The following DKC1 variants were observed in gnomAD, a reference collection of about 807,000 sequenced individuals.
DKC1 encodes H/ACA ribonucleoprotein complex subunit DKC1.
In DKC1, 4 loss-of-function variants were observed where a neutral mutation model predicts 46.7. The observed-to-expected ratio is 0.09, with a 90% CI of 0.04 to 0.20. The LOEUF is 0.20. Ranked by LOEUF, DKC1 falls within the 10% of genes least tolerant of loss-of-function variation. The probability of loss-of-function intolerance (pLI) is 1.00; values close to 1 mark genes in which losing one functional copy is unlikely to be tolerated. For missense variants in DKC1, 171 were observed against 404.2 expected, an observed-to-expected ratio of 0.42 and a Z score of 4.95; for synonymous variants, 141 against 142.4, an observed-to-expected ratio of 0.99 and a Z score of 0.07.
At chrX:154,773,673 C>T (rs1407252215) in intron 11 of DKC1, among the ~76,000 whole-genome samples, 1 of 111,432 alleles carries the variant, frequency 9.0e-6, no homozygotes, top group Non-Finnish European at 1.9e-5. Context: ...TAGTGCAGAA[C>T]AAAATGAAAA....
rs1557265771 is a variant in DKC1 at position 154,776,809 on chromosome X, C to A, written c.1487C>A (p.Thr496Asn). Residue 496 changes from threonine (T) to asparagine (N), a missense_variant, in exon 15 of 15, where the codon ACC (threonine) becomes AAC (asparagine). This residue lies in a region of DKC1 where 54 missense variants were observed against 64.4 expected (regional missense o/e 0.84). Transcript: ENST00000369550. The part of the protein sequence containing the change: ...GAEPGDGDSD[T>N]TKKKKKKKKA... ...TCTCTTTCTTTCTAGGACAGTGATA[C>A]CACCAAGAAGAAGAAGAAGAAGAAG... The A allele has an allele frequency of 8.3e-7, 1 of 1,206,790 alleles. No homozygotes were observed. The highest frequency in any genetic ancestry group is 2.2e-5 in the Admixed American group (1 of 45,767).
At chrX:154,764,681 A>G (rs1557263959) in intron 1 of DKC1, among the ~76,000 whole-genome samples, 1 of 111,674 alleles carries the variant, frequency 9.0e-6, no homozygotes, top group Admixed American at 9.5e-5. Context: ...AGGATCATCA[A>G]GACATCACTA....
At chrX:154,773,752 T>C (rs2071855621) in intron 11 of DKC1, among the ~76,000 whole-genome samples, 2 of 112,408 alleles carry the variant, frequency 1.8e-5, no homozygotes, top group Admixed American at 1.9e-4. Flanking sequence ...TTCCCCACCT[T>C]TCCCGCCTTT....
At position 154,767,398 on chromosome X, in the gene DKC1, T is replaced by C; in HGVS notation, c.640+16T>C. 8.3e-7 allele frequency: 1 copy of C among 1,209,814 alleles called. No individual in the cohort carries two copies. On this transcript the variant is annotated intron_variant, in intron 7 of 14. Transcript: ENST00000369550. ...AGAAGATTAGGTGAGTCATTAGGCC[T>C]GTGAGTGGGTATGAACACATTCTTC...
chrX:154,766,565 G>A, intron 5 of DKC1, 165 bp downstream of exon 5: 1 of 505,096 alleles, frequency 2.0e-6, no homozygotes, highest in Non-Finnish European at 3.3e-6. Context: ...GCCAGATCTT[G>A]GTGGTCCGCG....
Position 154,766,983 on chromosome X carries a change from T to C in DKC1, c.449-14T>C. The C allele has an allele frequency of 8.3e-7, 1 of 1,209,778 alleles. No homozygotes were observed. The highest frequency in any genetic ancestry group is 1.1e-6 in the Non-Finnish European group (1 of 893,668). On this transcript the variant is annotated splice_polypyrimidine_tract_variant and intron_variant, in intron 5 of 14. Transcript: ENST00000369550. ...TCAGTGGCCACACCTGACTACTCTT[T>C]TGTCATTTTTCAGGCAAAGAGTATG...
chrX:154,764,017 T>C (rs1346514057), intron 1 of DKC1, among the ~76,000 whole-genome samples: 1 of 109,234 alleles, frequency 9.2e-6, no homozygotes, highest in Non-Finnish European at 1.9e-5. Flanking sequence ...AAAATTTAGG[T>C]GGGCGTGGTG....
chrX:154,769,131 TA>T (rs2071790166), intron 8 of DKC1, 35 bp from the exon 9 acceptor site: 4 of 1,190,347 alleles, frequency 3.4e-6, no homozygotes, highest in Non-Finnish European at 4.5e-6. Context: ...GAGATACAAA[TA>T]AACTGAATTA....
chrX:154,765,497 G>A lies in DKC1; in HGVS notation c.138G>A (p.Lys46=), dbSNP rs369777662. Residue 46 remains lysine, a synonymous_variant, in exon 3 of 15, where the codon AAG becomes AAA. Coordinates refer to ENST00000369550, the MANE Select transcript of DKC1 (RefSeq NM_001363.5). Reference sequence around the variant, plus strand: ...TCAAACCTGAATCCAAAGTTGCTAAGTTGGACACGTCTCAGTGGCCCCTTT... The same window carrying A: ...TCAAACCTGAATCCAAAGTTGCTAAATTGGACACGTCTCAGTGGCCCCTTT... The part of the protein sequence containing the change: ...FLIKPESKVA[K]LDTSQWPLLL... The A allele has an allele frequency of 3.8e-5, 46 of 1,207,830 alleles. 1 individual carries two copies. In the South Asian group the frequency reaches 6.3e-4, roughly 17 times the overall value.
intron 9 of DKC1, among the ~76,000 whole-genome samples, chrX:154,770,193 G>A (rs1204898039): frequency 9.0e-6 from 1 of 111,306 alleles, no homozygotes; most frequent in Non-Finnish European, 1.9e-5. Context: ...TATGGACCAC[G>A]TGCGGTGGCT....
In DKC1 at chrX:154,776,953, A is replaced by G. The variant is rs1279159655; in HGVS notation, c.*86A>G. The G allele has an allele frequency of 1.6e-5, 13 of 836,236 alleles. No individual in the cohort carries two copies. In the South Asian group the frequency reaches 2.7e-4, roughly 17 times the overall value. The allele number at this position is 836,236 out of a possible 1,213,427, so 68.9% of individuals were successfully genotyped here. A position where few individuals can be genotyped will look rare whatever the true frequency, so the allele number is the denominator to read the frequency against. ...CCTTTTGTTGCTGAGAGAGTGGAAC[A>G]TAGGTCCTAGACAGGGTGAAGAGTT... On this transcript the variant is annotated 3_prime_UTR_variant, in exon 15 of 15. Coordinates refer to ENST00000369550, the MANE Select transcript of DKC1 (RefSeq NM_001363.5).
At chrX:154,770,691 T>C in intron 9 of DKC1, 68 bp from the exon 10 acceptor site, 1 of 1,198,930 alleles carries the variant, frequency 8.3e-7, no homozygotes, top group South Asian at 1.8e-5. Flanking sequence ...TTGTCCTCCT[T>C]TACTCTGGTG....
At chrX:154,773,862 T>C (rs1557265269) in intron 11 of DKC1, among the ~76,000 whole-genome samples, 1 of 111,417 alleles carries the variant, frequency 9.0e-6, no homozygotes, top group African/African-American at 3.3e-5. Context: ...GGCTCCTCAC[T>C]TCCCAGTAGG....
Position 154,773,253 on chromosome X carries a change from A to C in DKC1, c.1155+4A>C, listed in dbSNP as rs1557265151. On this transcript the variant is annotated splice_donor_region_variant and intron_variant, in intron 11 of 14. Coordinates refer to ENST00000369550, the MANE Select transcript of DKC1 (RefSeq NM_001363.5). ...GAAGTGGGGTTTAGGTCCAAAGGTA[A>C]GTGGTACTGGGTTGCGTGCCCTGCC... The C allele has an allele frequency of 9.3e-7, 1 of 1,070,659 alleles. No homozygotes were observed. The highest frequency in any genetic ancestry group is 1.9e-5 in the South Asian group (1 of 53,287). 88.2% of individuals were successfully genotyped at this position (1,070,659 alleles called of 1,213,427 possible).
At chrX:154,767,473 T>C in intron 7 of DKC1, 91 bp downstream of exon 7, 1 of 1,051,317 alleles carries the variant, frequency 9.5e-7, no homozygotes, top group Non-Finnish European at 1.3e-6. Flanking sequence ...TTGAAGACTT[T>C]CTAAAACCTG....
At chrX:154,772,365 C>T (rs1249325480) in intron 10 of DKC1, among the ~76,000 whole-genome samples, 2 of 111,988 alleles carry the variant, frequency 1.8e-5, no homozygotes, top group Non-Finnish European at 3.8e-5. Context: ...AGTGTATGTT[C>T]TTGGCACCTT....
intron 5 of DKC1, chrX:154,766,603 G>A (rs2071748337): frequency 2.2e-6 from 1 of 453,533 alleles, no homozygotes; most frequent in South Asian, 3.3e-5. Flanking sequence ...TACTAAGCAT[G>A]TATTCATCAA....
In DKC1 at chrX:154,768,287, G is replaced by GTGTGT. The variant is rs1557264463; in HGVS notation, c.641-14_641-10dup. 1.7e-6 allele frequency: 2 copies of GTGTGT among 1,211,279 alleles called. No individual in the cohort carries two copies. The highest frequency in any genetic ancestry group is 5.9e-5 in the East Asian group (2 of 33,870). The stretch of plus-strand genomic sequence containing the variant: ...ACAGTAGGTGCTGCTTTTCTTTTGT[G>GTGTGT]TGTGTGTATCTTAGGAATCTTTTGG... On this transcript the variant is annotated splice_polypyrimidine_tract_variant and intron_variant, in intron 7 of 14. Coordinates refer to ENST00000369550, the MANE Select transcript of DKC1 (RefSeq NM_001363.5).
chrX:154,775,543 G>A (rs2071885676), intron 13 of DKC1, among the ~76,000 whole-genome samples: 1 of 112,279 alleles, frequency 8.9e-6, no homozygotes, highest in South Asian at 3.7e-4. Context: ...CTCAGCTATG[G>A]CAGCAACACA....
Sources: allele counts gnomAD v4.1 joint callset (sites outside exome capture counted in the v4.1 genomes callset), GRCh38; gene constraint gnomAD v4.1.1; regional missense constraint gnomAD v4.1.1; transcripts MANE v1.5; gene names NCBI Gene and HGNC (gene_info 2026-07-23, HGNC 2026-07-21).